GGA1: variants seen among roughly 807,000 people sequenced by gnomAD.
GGA1 encodes the protein ADP-ribosylation factor-binding protein GGA1.
A neutral mutation model predicts 76.9 loss-of-function variants in GGA1; 18 were observed. The ratio of observed to expected loss-of-function variants is 0.23; its 90% CI spans 0.16 to 0.35. The LOEUF (loss-of-function observed/expected upper bound fraction) is 0.35. Ranked by LOEUF, GGA1 falls within the 10% of genes least tolerant of loss-of-function variation. GGA1 has a pLI of 1.00. For missense variants in GGA1, 755 were observed against 859.0 expected (o/e 0.88, Z 1.51); for synonymous variants, 342 against 354.7 (o/e 0.96, Z 0.40).
intron 1 of GGA1, chr22:37,609,399 G>A: frequency 1.1e-6 from 1 of 933,314 alleles, no homozygotes; most frequent in South Asian, 2.3e-5. Flanking sequence ...TGGAAGGGAG[G>A]ACCCACTGCC....
rs1337460267 is a variant in GGA1, at chr22:37,623,344, G to T, written c.627G>T (p.Glu209Asp). 6.2e-7 allele frequency: 1 copy of T among 1,614,100 alleles called. No individual in the cohort carries two copies. The highest frequency in any genetic ancestry group is 1.1e-5 in the South Asian group (1 of 91,090). The change falls in exon 8 of 17, where the codon GAG (glutamate) becomes GAT (aspartate). Residue 209 changes from glutamate (E) to aspartate (D), a missense_variant. Coordinates refer to ENST00000343632, the MANE Select transcript of GGA1 (RefSeq NM_013365.5). This position sits in a 1 kb window ranked among gnomAD's most constrained non-coding sequence, Gnocchi z 4.6. ...GTCCCCAGGACCAGAAGCGGATGGA[G>T]AAGATCTCGAAGAGGGTGAATGCCA... is the stretch of plus-strand genomic sequence containing the variant. ...EMVQEDQKRM[E>D]KISKRVNAIE...
Position 37,633,020 on chromosome 22 carries a change from G to T in GGA1, c.*309G>T, listed in dbSNP as rs372261360. On this transcript the variant is annotated 3_prime_UTR_variant, in exon 17 of 17. Transcript: ENST00000343632. The stretch of plus-strand genomic sequence containing the variant: ...TGGGTCATGGGGAGGAAGCACAGCT[G>T]TTGGGGAAGGGCCAGGACCTCAGGC... 1 of 366,988 alleles carries T rather than the reference G, an allele frequency of 2.7e-6. No homozygotes were observed. The highest frequency in any genetic ancestry group is 5.1e-6 in the Non-Finnish European group (1 of 194,698). The allele number at this position is 366,988 out of a possible 1,614,324, so 22.7% of individuals were successfully genotyped here.
At position 37,631,115 on chromosome 22, in the gene GGA1, G is replaced by A. The variant is rs1256368885; in HGVS notation, c.1528+16G>A. ...ATCAAACCCAGTGAGTAGGGCTGGGGCAGGTGCAGGCTGGGTTGGGTCAGC... is the reference window on the plus strand; with the variant it reads ...ATCAAACCCAGTGAGTAGGGCTGGGACAGGTGCAGGCTGGGTTGGGTCAGC... On this transcript the variant is annotated intron_variant, in intron 14 of 16. Transcript: ENST00000343632. 1 of 1,534,198 alleles carries A rather than the reference G, an allele frequency of 6.5e-7. No individual in the cohort carries two copies. Among genetic ancestry groups the A allele is most frequent in the Admixed American group, 2.2e-5 (1 of 46,108 alleles).
At chr22:37,619,011 A>G (rs767063029) in intron 4 of GGA1, among the ~76,000 whole-genome samples, 1 of 152,232 alleles carries the variant, frequency 6.6e-6, no homozygotes, top group Non-Finnish European at 1.5e-5. Context: ...TGCTGGCTCC[A>G]GACGGGCCAT....
chr22:37,611,950 G>A (rs1056646793), intron 1 of GGA1, among the ~76,000 whole-genome samples: 2 of 152,252 alleles, frequency 1.3e-5, no homozygotes, highest in Admixed American at 1.3e-4. Flanking sequence ...TCAGGAGTTT[G>A]AGACCAGCCT....
At chr22:37,621,595 C>A in intron 6 of GGA1, 21 bp from the exon 7 acceptor site, 2 of 1,529,548 alleles carry the variant, frequency 1.3e-6, no homozygotes, top group African/African-American at 1.4e-5. Flanking sequence ...CCCTCACGGT[C>A]ACACCCCTCT....
intron 11 of GGA1, chr22:37,626,205 T>C (rs1930800401): frequency 2.8e-6 from 1 of 356,710 alleles, no homozygotes; most frequent in Non-Finnish European, 5.0e-6. Context: ...GCATTCAGGC[T>C]CTGGCAGCCT....
At chr22:37,609,133 G>A (rs1325052551) in intron 1 of GGA1, 1 of 1,478,516 alleles carries the variant, frequency 6.8e-7, no homozygotes, top group South Asian at 1.3e-5. Flanking sequence ...GGATCCCTGG[G>A]CCATGACCCC....
Position 37,625,900 on chromosome 22 carries a change from G to A in GGA1, c.1044G>A (p.Glu348=), listed in dbSNP as rs753060574. The change falls in exon 11 of 17, where the codon GAG becomes GAA. Residue 348 remains glutamate (E), a synonymous_variant. Transcript: ENST00000343632. This position sits in a 1 kb window ranked among gnomAD's most constrained non-coding sequence, Gnocchi z 4.1. ...GCCCTGGCGAGCAGGCCAGCCCTGA[G>A]CAGCCCAGTGCCTCAGTTTCCCTGC... ...PTRPGEQASP[E]QPSASVSLLD... is the part of the protein sequence containing the mutation. 51 of 1,605,804 alleles carry A rather than the reference G, an allele frequency of 3.2e-5. No individual in the cohort carries two copies. Among genetic ancestry groups the A allele is most frequent in the Non-Finnish European group, 3.4e-5 (40 of 1,176,158 alleles).
chr22:37,631,836 C>T (rs1465276159), intron 14 of GGA1, among the ~76,000 whole-genome samples, 160 bp from the exon 15 acceptor site: 2 of 152,230 alleles, frequency 1.3e-5, no homozygotes, highest in African/African-American at 4.8e-5. Context: ...TGTGCCCCTG[C>T]CTGCACTGCC....
chr22:37,609,944 A>C (rs1257443291), intron 1 of GGA1, among the ~76,000 whole-genome samples: 1 of 152,216 alleles, frequency 6.6e-6, no homozygotes, highest in Admixed American at 6.6e-5. Flanking sequence ...GGTTGGCCCC[A>C]GAACCAAACC....
At chr22:37,620,149 C>G in intron 4 of GGA1, 89 bp from the exon 5 acceptor site, 3 of 1,484,684 alleles carry the variant, frequency 2.0e-6, no homozygotes, top group Non-Finnish European at 2.8e-6. Context: ...CCGGGGAGTC[C>G]TGGGGAGGCA....
Position 37,623,529 on chromosome 22 carries a change from C to CCCG in GGA1, c.751-20_751-18dup. 1.2e-6 allele frequency: 2 copies of CCCG among 1,612,482 alleles called. No homozygotes were observed. The highest frequency in any genetic ancestry group is 1.7e-6 in the Non-Finnish European group (2 of 1,178,844). On this transcript the variant is annotated intron_variant, in intron 8 of 16. Transcript: ENST00000343632. The surrounding 1 kb of genome is among the most constrained non-coding windows in gnomAD (Gnocchi z 4.6). ...ACTCCACAGCCCACGCGGACCCTGA[C>CCCG]CCGCCCATCCTGCTGCCCTCAGGAA...
At chr22:37,629,679 G>T (rs1227032839) in intron 12 of GGA1, among the ~76,000 whole-genome samples, 153 bp downstream of exon 12, 2 of 152,144 alleles carry the variant, frequency 1.3e-5, no homozygotes, top group Non-Finnish European at 2.9e-5. Flanking sequence ...ACCCACCCAG[G>T]GTACAGGGCC....
intron 5 of GGA1, 92 bp downstream of exon 5, chr22:37,620,453 C>A: frequency 7.3e-7 from 1 of 1,367,020 alleles, no homozygotes; most frequent in South Asian, 1.2e-5. Context: ...GGCTTCTGAG[C>A]CAGCAAGGTC....
In GGA1 at chr22:37,623,811, C is replaced by CG. The variant is rs1189211568; in HGVS notation, c.832+178_832+179insG. The CG allele has an allele frequency of 1.7e-6, 1 of 589,074 alleles. No homozygotes were observed. Among genetic ancestry groups the CG allele is most frequent in the African/African-American group, 1.9e-5 (1 of 53,516 alleles). 36.5% of individuals were successfully genotyped at this position (589,074 alleles called of 1,614,324 possible). A position where few individuals can be genotyped will look rare whatever the true frequency, so the allele number is the denominator to read the frequency against. ...GAGGACACAGAGCAGGGGCCGCCCC[C>CG]CTGTTGAGAGGCCCTGTGGGCCAGC... On this transcript the variant is annotated intron_variant, in intron 9 of 16. Transcript: ENST00000343632. This position sits in a 1 kb window ranked among gnomAD's most constrained non-coding sequence, Gnocchi z 4.6.
chr22:37,611,855 C>CA (rs1313136830), intron 1 of GGA1, among the ~76,000 whole-genome samples: 1 of 152,196 alleles, frequency 6.6e-6, no homozygotes, highest in African/African-American at 2.4e-5. Context: ...TTTTGTCATC[C>CA]AAAATCAATA....
chr22:37,630,367 C>A (rs1931585714), intron 13 of GGA1, 197 bp downstream of exon 13: 1 of 540,312 alleles, frequency 1.9e-6, no homozygotes, highest in Non-Finnish European at 3.2e-6. Context: ...ACTGGCCTGG[C>A]CTCCCCCCAG....
rs752344582 is a variant in GGA1 at position 37,620,320 on chromosome 22, A to T, written c.386A>T (p.Glu129Val). Reference sequence around the variant, plus strand: ...AGCTGGACAGTGGGCCTGCCCGAGGAGGTGAAAATCGCAGAGGCCTACCAG... The same window carrying T: ...AGCTGGACAGTGGGCCTGCCCGAGGTGGTGAAAATCGCAGAGGCCTACCAG... ...LYSWTVGLPE[E>V]VKIAEAYQML... Residue 129 changes from glutamate (E) to valine (V), a missense_variant, in exon 5 of 17, where the codon GAG becomes GTG. Physicochemically the swap from Glu to Val is moderately radical, Grantham distance 121. Transcript: ENST00000343632. 7 of 1,613,838 alleles carry T rather than the reference A, an allele frequency of 4.3e-6. No individual in the cohort carries two copies. In the South Asian group the frequency reaches 7.7e-5, roughly 18 times the overall value.
Sources: gnomAD v4.1 joint callset for allele counts (sites outside exome capture counted in the v4.1 genomes callset) on GRCh38, gnomAD v4.1.1 for gene constraint, Gnocchi (gnomAD v3.1) non-coding constraint, MANE v1.5 for transcripts, NCBI Gene and HGNC (gene_info 2026-07-23, HGNC 2026-07-21) for gene names.